TTLL6: variants seen among roughly 807,000 people sequenced by gnomAD.
TTLL6 encodes the protein tubulin tyrosine ligase like 6.
TTLL6 carries 75 observed loss-of-function variants against 96.4 expected under a neutral mutation model. That is an observed-to-expected ratio of 0.78 (90% CI 0.65 to 0.94). The LOEUF (loss-of-function observed/expected upper bound fraction) is 0.94. Ranked by LOEUF, TTLL6 falls within the 40% of genes least tolerant of loss-of-function variation. The pLI is 0.00. For missense variants in TTLL6, 1,030 were observed against 1,093.0 expected (o/e 0.94, Z 0.81); for synonymous variants, 411 against 419.4 (o/e 0.98, Z 0.24).
At position 48,776,960 on chromosome 17, in the gene TTLL6, T is replaced by C. The variant is rs2038884200; in HGVS notation, c.2041-6863A>G. ...GGACTTATATTATCTAATTCTAAGA[T>C]TTTCTATATAGGTTCAGTAATCAAG... On this transcript the variant is annotated intron_variant, in intron 13 of 15. Transcript: ENST00000393382. 2.0e-5 allele frequency among the ~76,000 whole-genome samples: 3 copies of C among 150,542 alleles called. No homozygotes were observed. In the South Asian group the frequency reaches 6.3e-4, roughly 31 times the overall value.
chr17:48,781,051 ATT>A (rs200281244), intron 13 of TTLL6, among the ~76,000 whole-genome samples: 2 of 142,632 alleles, frequency 1.4e-5, no homozygotes, highest in African/African-American at 5.1e-5. Context: ...TCTATTTTTA[ATT>A]TTTTTTTTTT....
At chr17:48,813,592 A>G (rs552300860) in intron 1 of TTLL6, among the ~76,000 whole-genome samples, 11 of 152,166 alleles carry the variant, frequency 7.2e-5, no homozygotes, top group African/African-American at 2.2e-4. Flanking sequence ...GAGAAAAATA[A>G]TCAGTTGGTC....
At chr17:48,803,499 A>C (rs1009501339) in intron 3 of TTLL6, among the ~76,000 whole-genome samples, 5 of 152,190 alleles carry the variant, frequency 3.3e-5, no homozygotes, top group Non-Finnish European at 4.4e-5. Flanking sequence ...AAAAAACAAA[A>C]AAAAAAAACA....
At chr17:48,796,888 G>A (rs1053936999) in intron 7 of TTLL6, among the ~76,000 whole-genome samples, 173 bp downstream of exon 7, 10 of 152,118 alleles carry the variant, frequency 6.6e-5, no homozygotes, top group Admixed American at 6.6e-4. Flanking sequence ...GTAAAATGGG[G>A]ATAATAATCC....
chr17:48,804,027 G>A (rs1286569458), intron 2 of TTLL6, 99 bp from the exon 3 acceptor site: 3 of 1,384,222 alleles, frequency 2.2e-6, no homozygotes, highest in African/African-American at 2.9e-5. Context: ...GGAGCTGTCT[G>A]AAATCTAGCC....
chr17:48,787,776 C>G, intron 11 of TTLL6, 35 bp downstream of exon 11: 1 of 1,589,640 alleles, frequency 6.3e-7, no homozygotes, highest in Non-Finnish European at 8.6e-7. Context: ...ATCCCCAGAA[C>G]CCCTCCACCG....
rs1381294829 is a variant in TTLL6 at position 48,786,284 on chromosome 17, C to T, written c.1641G>A (p.Met547Ile). 2 of 1,614,130 alleles carry T rather than the reference C, an allele frequency of 1.2e-6. No homozygotes were observed. Reference sequence around the variant, plus strand: ...CCCCCTGCATCTCTACCTTCTTCTTCATTTGGAAGGGCTTTTTCTCCCGTT... The same window carrying T: ...CCCCCTGCATCTCTACCTTCTTCTTTATTTGGAAGGGCTTTTTCTCCCGTT... ...RLKREKKPFQ[M>I]KKKVEMQGES... The change falls in exon 12 of 16, where the codon ATG (methionine) becomes ATA (isoleucine). Residue 547 changes from methionine to isoleucine, a missense_variant. Met to Ile is a conservative substitution (Grantham distance 10). Transcript: ENST00000393382.
Position 48,786,341 on chromosome 17 carries a change from C to T in TTLL6, c.1590-6G>A. The T allele has an allele frequency of 1.2e-6, 2 of 1,614,204 alleles. No homozygotes were observed. Among genetic ancestry groups the T allele is most frequent in the South Asian group, 1.1e-5 (1 of 91,078 alleles). On this transcript the variant is annotated splice_polypyrimidine_tract_variant and splice_region_variant and intron_variant, in intron 11 of 15. Coordinates refer to ENST00000393382, the MANE Select transcript of TTLL6 (RefSeq NM_001130918.3). ...TCAGCTCCTGGATCAGTTGCCTGCC[C>T]ATGAAGAACAAGTGAACATCATGGG...
rs1258657404 is a variant in TTLL6 at position 48,789,983 on chromosome 17, C to G, written c.1348G>C (p.Glu450Gln). 4.2e-5 allele frequency: 67 copies of G among 1,614,092 alleles called. No individual in the cohort carries two copies. The highest frequency in any genetic ancestry group is 5.6e-5 in the Non-Finnish European group (66 of 1,180,048). Residue 450 changes from glutamate to glutamine, a missense_variant, in exon 10 of 16, where the codon GAG (glutamate) becomes CAG (glutamine). Glu to Gln is a conservative substitution (Grantham distance 29). Coordinates refer to ENST00000393382, the MANE Select transcript of TTLL6 (RefSeq NM_001130918.3). Reference sequence around the variant, plus strand: ...AGGAACTGCCCCCGTTGTCTCTCCTCCTCCAAGACTTTCTTCTTGTCACAG... The same window carrying G: ...AGGAACTGCCCCCGTTGTCTCTCCTGCTCCAAGACTTTCTTCTTGTCACAG... ...ESCDKKKVLE[E>Q]ERQRGQFLQQ...
At chr17:48,807,459 A>G (rs1221505885) in intron 1 of TTLL6, among the ~76,000 whole-genome samples, 1 of 151,980 alleles carries the variant, frequency 6.6e-6, no homozygotes, top group Non-Finnish European at 1.5e-5. Context: ...CTTTTTGTCC[A>G]CTTAGTAGAT....
intron 1 of TTLL6, chr17:48,815,879 G>A (rs1403170720): frequency 1.3e-5 from 2 of 152,182 alleles, no homozygotes; most frequent in African/African-American, 4.8e-5. Flanking sequence ...GCAATATTCA[G>A]ATCAGGCTCA....
At position 48,804,917 on chromosome 17, in the gene TTLL6, C is replaced by T. The variant is rs998581597; in HGVS notation, c.178G>A (p.Gly60Arg). 32 of 1,551,704 alleles carry T rather than the reference C, an allele frequency of 2.1e-5. No homozygotes were observed. Among genetic ancestry groups the T allele is most frequent in the Non-Finnish European group, 1.5e-5 (17 of 1,146,984 alleles). The change falls in exon 2 of 16, where the codon GGG (glycine) becomes AGG (arginine). Residue 60 changes from glycine to arginine, a missense_variant. Transcript: ENST00000393382. ...PQCPTLESQE[G>R]ENSEEKGDSS... ...TCCCCCTTCTCTTCGGAGTTTTCCC[C>T]TTCCTGGCTTTCCAAAGTCGGGCAC...
intron 13 of TTLL6, among the ~76,000 whole-genome samples, chr17:48,774,412 C>T (rs1301079745): frequency 6.6e-6 from 1 of 151,758 alleles, no homozygotes; most frequent in Admixed American, 6.6e-5. Context: ...AATCCGCCCG[C>T]CTCGGCCTCC....
chr17:48,790,660 C>T (rs2143366686), intron 9 of TTLL6, among the ~76,000 whole-genome samples: 1 of 152,314 alleles, frequency 6.6e-6, no homozygotes, highest in East Asian at 1.9e-4. Context: ...GGGCTGCAAA[C>T]AGGCACATCC....
At chr17:48,788,818 C>A (rs1254765833) in intron 10 of TTLL6, among the ~76,000 whole-genome samples, 2 of 152,208 alleles carry the variant, frequency 1.3e-5, no homozygotes, top group Admixed American at 6.5e-5. Context: ...GAAGACAGTG[C>A]AAGTGCCTGA....
rs947336595 is a variant in TTLL6 at position 48,769,094 on chromosome 17, C to T, written c.2571G>A (p.Arg857=). The T allele has an allele frequency of 3.7e-6, 6 of 1,614,056 alleles. No individual in the cohort carries two copies. The African/African-American group carries it at 6.7e-5, about 18-fold the overall frequency. ...TAGCACTTGCGTGGCTTCTACAAGG[C>T]CTTGGATCCAGTTGGGCTGGAGTGG... ...VIATPAQLDP[R]PCRSHASAMR... Residue 857 remains arginine, a synonymous_variant, in exon 15 of 16, where the codon AGG becomes AGA. Transcript: ENST00000393382.
chr17:48,814,578 A>C (rs981348336), intron 1 of TTLL6, among the ~76,000 whole-genome samples: 5 of 152,140 alleles, frequency 3.3e-5, no homozygotes, highest in African/African-American at 1.2e-4. Flanking sequence ...CTGGTTAGAC[A>C]GCACGAAAAT....
At chr17:48,787,337 T>A (rs2039120926) in intron 11 of TTLL6, among the ~76,000 whole-genome samples, 1 of 152,144 alleles carries the variant, frequency 6.6e-6, no homozygotes, top group Admixed American at 6.5e-5. Flanking sequence ...ACATAGGGAA[T>A]CTTCCAATTC....
At chr17:48,800,984 C>A (rs2039401301) in intron 5 of TTLL6, among the ~76,000 whole-genome samples, 1 of 152,170 alleles carries the variant, frequency 6.6e-6, no homozygotes, top group African/African-American at 2.4e-5. Flanking sequence ...TAGTTCAAAA[C>A]CAACAGCTTT....
Sources: gnomAD v4.1 joint callset for allele counts (sites outside exome capture counted in the v4.1 genomes callset) on GRCh38, gnomAD v4.1.1 for gene constraint, MANE v1.5 for transcripts, NCBI Gene and HGNC (gene_info 2026-07-23, HGNC 2026-07-21) for gene names.